CSPG4: variants seen among roughly 807,000 people sequenced by gnomAD.
The protein encoded by CSPG4 is chondroitin sulfate proteoglycan 4, also known as chondroitin sulfate proteoglycan 4 (melanoma-associated).
A neutral mutation model predicts 139.3 loss-of-function variants in CSPG4; 74 were observed. The observed-to-expected ratio is 0.53, with a 90% CI of 0.44 to 0.64. The LOEUF (loss-of-function observed/expected upper bound fraction) is 0.64, where lower values mean the gene tolerates loss of function less well. CSPG4 is among the 30% of genes least tolerant of loss of function. The pLI is 0.00. For missense variants in CSPG4, 2,565 were observed against 3,148.3 expected, an observed-to-expected ratio of 0.81 and a Z score of 4.43; for synonymous variants, 1,234 against 1,394.2, an observed-to-expected ratio of 0.89 and a Z score of 2.56.
chr15:75,693,703 GA>G (rs1894193140), intron 1 of CSPG4, among the ~76,000 whole-genome samples: 1 of 152,260 alleles, frequency 6.6e-6, no homozygotes, highest in South Asian at 2.1e-4. Flanking sequence ...TCCCTGCTCA[GA>G]TTCCTTCTCC....
Position 75,676,657 on chromosome 15 carries a change from T to C in CSPG4, c.5862A>G (p.Gln1954=). The change falls in exon 10 of 10, where the codon CAA becomes CAG. Residue 1954 remains glutamine (Q), a synonymous_variant. Coordinates refer to ENST00000308508, the MANE Select transcript of CSPG4 (RefSeq NM_001897.5). ...GGCTCAGTGAGGAGCGCCCCAAAGC[T>C]TGGGGCACCTCCAGGGGTGCCCGCA... ...VQLRAPLEVP[Q]ALGRSSLSQQ... The C allele has an allele frequency of 6.3e-7, 1 of 1,598,014 alleles. No individual in the cohort carries two copies.
intron 8 of CSPG4, among the ~76,000 whole-genome samples, chr15:75,682,006 G>A (rs1384556351): frequency 1.3e-5 from 2 of 152,124 alleles, no homozygotes; most frequent in East Asian, 1.9e-4. Flanking sequence ...CCTCGGGTCC[G>A]GCTGTAGCTT....
chr15:75,708,695 C>T (rs185581123), intron 1 of CSPG4, among the ~76,000 whole-genome samples: 111 of 152,300 alleles, frequency 7.3e-4, no homozygotes, highest in Admixed American at 2.1e-3. Context: ...CTGAGGCAGT[C>T]CCTGCTTTTC....
intron 1 of CSPG4, among the ~76,000 whole-genome samples, chr15:75,706,112 G>A (rs1894367886): frequency 6.6e-6 from 1 of 152,206 alleles, no homozygotes; most frequent in Non-Finnish European, 1.5e-5. Flanking sequence ...GGGAGAAGCG[G>A]GTGTCGTGGG....
In CSPG4 at chr15:75,676,825, A is replaced by G. The variant is rs1283953149; in HGVS notation, c.5694T>C (p.Asp1898=). The G allele has an allele frequency of 6.5e-7, 1 of 1,547,340 alleles. No individual in the cohort carries two copies. The highest frequency in any genetic ancestry group is 1.4e-5 in the African/African-American group (1 of 73,252). The part of the protein sequence containing the change: ...LGPVTRFTQA[D]VDSGRLAFVA... Reference sequence around the variant, plus strand: ...CGAAGGCCAGCCGCCCTGAATCCACATCGGCTTGCGTGAAGCGGGTCACGG... The same window carrying G: ...CGAAGGCCAGCCGCCCTGAATCCACGTCGGCTTGCGTGAAGCGGGTCACGG... The change falls in exon 10 of 10, where the codon GAT becomes GAC. Residue 1898 remains aspartate, a synonymous_variant. Transcript: ENST00000308508.
Position 75,675,576 on chromosome 15 carries a change from G to C in CSPG4, c.6943C>G (p.Leu2315Val). 2 of 1,510,488 alleles carry C rather than the reference G, an allele frequency of 1.3e-6. No individual in the cohort carries two copies. Among genetic ancestry groups the C allele is most frequent in the Non-Finnish European group, 1.8e-6 (2 of 1,129,766 alleles). 93.6% of individuals were successfully genotyped at this position (1,510,488 alleles called of 1,614,324 possible). A position where few individuals can be genotyped will look rare whatever the true frequency, so the allele number is the denominator to read the frequency against. Residue 2315 changes from leucine (L) to valine (V), a missense_variant, in exon 10 of 10, where the codon CTT becomes GTT. Coordinates refer to ENST00000308508, the MANE Select transcript of CSPG4 (RefSeq NM_001897.5). ...LQFCRTPNPA[L>V]KNGQYWV Reference sequence around the variant, plus strand: ...CACACCCAGTACTGGCCATTCTTAAGGGCAGGGTTGGGTGTCCGGCAGAAC... The same window carrying C: ...CACACCCAGTACTGGCCATTCTTAACGGCAGGGTTGGGTGTCCGGCAGAAC...
At chr15:75,708,821 G>A (rs1894407088) in intron 1 of CSPG4, among the ~76,000 whole-genome samples, 1 of 152,220 alleles carries the variant, frequency 6.6e-6, no homozygotes, top group Non-Finnish European at 1.5e-5. Flanking sequence ...GAGCCCAGGA[G>A]TTCGAGACCA....
chr15:75,702,282 G>A (rs1894314276), intron 1 of CSPG4, among the ~76,000 whole-genome samples: 2 of 152,264 alleles, frequency 1.3e-5, no homozygotes, highest in African/African-American at 4.8e-5. Context: ...TAGCAGGGCC[G>A]ACCTGCTGCC....
chr15:75,699,958 G>A lies in CSPG4; in HGVS notation c.89-6725C>T, dbSNP rs139890154. Among the ~76,000 whole-genome samples, 546 of 152,322 alleles carry A rather than the reference G, an allele frequency of 3.6e-3. 2 individuals carry two copies. The highest frequency in any genetic ancestry group is 0.012 in the African/African-American group (502 of 41,562). ...ACCCTCACCTCAGTGGACCCAGGCT[G>A]GGGTAGGGTTTCTGGCAGGGAAGAG... is the stretch of plus-strand genomic sequence containing the variant. On this transcript the variant is annotated intron_variant, in intron 1 of 9. Transcript: ENST00000308508.
In CSPG4 at chr15:75,712,738, C is replaced by G. The variant is rs1894463617; in HGVS notation, c.18G>C (p.Arg6=). The G allele has an allele frequency of 1.3e-6, 2 of 1,554,406 alleles. No homozygotes were observed. The highest frequency in any genetic ancestry group is 1.7e-6 in the Non-Finnish European group (2 of 1,149,712). ...CCAGGCCGGGGGCTGGAAGTGGGGG[C>G]CGCGGCCCGGACTGCATCCCGGCGG... is the stretch of plus-strand genomic sequence containing the variant. MQSGP[R]PPLPAPGLAL... is the part of the protein sequence containing the mutation. Residue 6 remains arginine (R), a synonymous_variant, in exon 1 of 10, where the codon CGG becomes CGC. Transcript: ENST00000308508.
chr15:75,709,959 C>G (rs1167670250), intron 1 of CSPG4, among the ~76,000 whole-genome samples: 1 of 151,854 alleles, frequency 6.6e-6, no homozygotes. Context: ...TGCCCTGCTC[C>G]GGAGGCCTGG....
rs776926554 is a variant in CSPG4 at position 75,690,619 on chromosome 15, C to G, written c.446G>C (p.Gly149Ala). 2 of 1,610,616 alleles carry G rather than the reference C, an allele frequency of 1.2e-6. No homozygotes were observed. Among genetic ancestry groups the G allele is most frequent in the Admixed American group, 1.7e-5 (1 of 59,922 alleles). ...PLEVPYGLFV[G>A]GTGTLGLPYL... ...GGGCAGGCCAAGGGTCCCAGTGCCCCCAACAAAGAGCCCATAGGGGACCTC... is the reference window on the plus strand; with the variant it reads ...GGGCAGGCCAAGGGTCCCAGTGCCCGCAACAAAGAGCCCATAGGGGACCTC... The change falls in exon 3 of 10, where the codon GGG becomes GCG. Residue 149 changes from glycine to alanine, a missense_variant. By Grantham distance (60) the Gly-to-Ala change is moderately conservative. This residue lies in a region of CSPG4 where 132 missense variants were observed against 132.3 expected (regional missense o/e 1.00). Coordinates refer to ENST00000308508, the MANE Select transcript of CSPG4 (RefSeq NM_001897.5).
At position 75,677,070 on chromosome 15, in the gene CSPG4, T is replaced by C; in HGVS notation, c.5449A>G (p.Thr1817Ala). The change falls in exon 10 of 10, where the codon ACC becomes GCC. Residue 1817 changes from threonine (T) to alanine (A), a missense_variant. Thr to Ala is a moderately conservative substitution (Grantham distance 58). Transcript: ENST00000308508. ...PAGASVAGPQ[T>A]SEAFAITVRD... ...ACCGTGATGGCAAAGGCCTCTGAGG[T>C]TTGGGGTCCAGCCACGGAGGCCCCT... is the stretch of plus-strand genomic sequence containing the variant. 1 of 1,412,090 alleles carries C rather than the reference T, an allele frequency of 7.1e-7. No individual in the cohort carries two copies. Among genetic ancestry groups the C allele is most frequent in the Non-Finnish European group, 9.3e-7 (1 of 1,077,188 alleles). 87.5% of individuals were successfully genotyped at this position (1,412,090 alleles called of 1,614,324 possible).
Position 75,682,715 on chromosome 15 carries a change from G to C in CSPG4, c.4675C>G (p.Arg1559Gly). Reference protein sequence around the residue: ...RGTLDGGFRFRLSDGEHTSPG... With the variant: ...RGTLDGGFRFGLSDGEHTSPG... ...GAAGTGTGCTCGCCGTCAGAGAGGC[G>C]GAAGCGGAAGCCTCCATCCAGGGTT... is the stretch of plus-strand genomic sequence containing the variant. Residue 1559 changes from arginine to glycine, a missense_variant, in exon 7 of 10, where the codon CGC becomes GGC. Physicochemically the swap from Arg to Gly is moderately radical, Grantham distance 125 (BLOSUM62 -2). Around this residue, in one of 5 missense-constraint regions of CSPG4, gnomAD observed 2,316 missense variants for 2,818.2 expected, o/e 0.82. Transcript: ENST00000308508. The C allele has an allele frequency of 6.2e-7, 1 of 1,612,922 alleles. No homozygotes were observed. The highest frequency in any genetic ancestry group is 8.5e-7 in the Non-Finnish European group (1 of 1,179,996).
chr15:75,690,804 A>C lies in CSPG4; in HGVS notation c.261T>G (p.Leu87=), dbSNP rs768885027. 1.9e-6 allele frequency: 3 copies of C among 1,607,650 alleles called. No homozygotes were observed. The highest frequency in any genetic ancestry group is 2.6e-6 in the Non-Finnish European group (3 of 1,176,196). ...QLYSGRLQVR[L]VLGQEELRLQ... ...GCCTCAGCTCCTCCTGGCCCAGAACAAGTCTGACCTGAAGAGAGATGGGGA... is the reference window on the plus strand; with the variant it reads ...GCCTCAGCTCCTCCTGGCCCAGAACCAGTCTGACCTGAAGAGAGATGGGGA... Residue 87 remains leucine, a synonymous_variant, in exon 3 of 10, where the codon CTT becomes CTG. Coordinates refer to ENST00000308508, the MANE Select transcript of CSPG4 (RefSeq NM_001897.5).
Position 75,674,829 on chromosome 15 carries a change from T to G in CSPG4, c.*721A>C, listed in dbSNP as rs930301734. ...GATGGGGCCCTGGGAATGAACTGGC[T>G]GCAGACCCTCCTCCATCCCACACCC... On this transcript the variant is annotated 3_prime_UTR_variant, in exon 10 of 10. Coordinates refer to ENST00000308508, the MANE Select transcript of CSPG4 (RefSeq NM_001897.5). 4 of 398,620 alleles carry G rather than the reference T, an allele frequency of 1.0e-5. No individual in the cohort carries two copies. The highest frequency in any genetic ancestry group is 8.2e-5 in the African/African-American group (4 of 48,602). The allele number at this position is 398,620 out of a possible 1,614,324, so 24.7% of individuals were successfully genotyped here.
chr15:75,695,715 G>C (rs934364430), intron 1 of CSPG4, among the ~76,000 whole-genome samples: 16 of 152,234 alleles, frequency 1.1e-4, no homozygotes, highest in African/African-American at 2.6e-4. Context: ...GCAGAATTAA[G>C]ATGTAATAAG....
In CSPG4 at chr15:75,684,629, G is replaced by A. The variant is rs1222663604; in HGVS notation, c.4449+107C>T. ...CATGTGGCAGCGTCCCCATTTTGCA[G>A]AGGAGGAAACTGAGGATCAGAGCTG... On this transcript the variant is annotated intron_variant, in intron 5 of 9. Coordinates refer to ENST00000308508, the MANE Select transcript of CSPG4 (RefSeq NM_001897.5). 6 of 1,042,016 alleles carry A rather than the reference G, an allele frequency of 5.8e-6. No homozygotes were observed. In the East Asian group the frequency reaches 1.0e-4, roughly 18 times the overall value. The allele number at this position is 1,042,016 out of a possible 1,614,324, so 64.5% of individuals were successfully genotyped here.
At chr15:75,703,380 T>G (rs538667556) in intron 1 of CSPG4, among the ~76,000 whole-genome samples, 1 of 151,596 alleles carries the variant, frequency 6.6e-6, no homozygotes, top group South Asian at 2.1e-4. Flanking sequence ...GAGGGGAGAC[T>G]GAAGTGTGGC....
Sources: gnomAD v4.1 joint callset for allele counts (sites outside exome capture counted in the v4.1 genomes callset) on GRCh38, gnomAD v4.1.1 for gene constraint, gnomAD v4.1.1 regional missense constraint, MANE v1.5 for transcripts, NCBI Gene and HGNC (gene_info 2026-07-23, HGNC 2026-07-21) for gene names.